The following CD2AP variants were observed in gnomAD, a reference collection of about 807,000 sequenced individuals.
The protein encoded by CD2AP is CD2-associated protein.
In CD2AP, 46 loss-of-function variants were observed where a neutral mutation model predicts 85.1. The ratio of observed to expected loss-of-function variants is 0.54; its 90% confidence interval spans 0.43 to 0.69. The LOEUF (loss-of-function observed/expected upper bound fraction) is 0.69. CD2AP is among the 30% of genes least tolerant of loss of function. CD2AP has a pLI of 0.00. For synonymous variants in CD2AP, 255 were observed against 252.9 expected, an observed-to-expected ratio of 1.01 and a Z score of -0.08; for missense variants, 769 against 729.5, an observed-to-expected ratio of 1.05 and a Z score of -0.62.
In CD2AP at chr6:47,597,180, G is replaced by A. The variant is rs187897754; in HGVS notation, c.1274+1154G>A. On this transcript the variant is annotated intron_variant, in intron 12 of 17. Coordinates refer to ENST00000359314, the MANE Select transcript of CD2AP (RefSeq NM_012120.3). ...TATAGTACAAATCCAGTCAGGGTTG[G>A]AACCATGGCAAACCAAGGGCTCTTA... is the stretch of plus-strand genomic sequence containing the variant. Among the ~76,000 whole-genome samples, 81 of 150,904 alleles carry A rather than the reference G, an allele frequency of 5.4e-4. 3 individuals are homozygous for A. The East Asian group carries it at 9.2e-3, about 17-fold the overall frequency.
intron 5 of CD2AP, among the ~76,000 whole-genome samples, 153 bp downstream of exon 5, chr6:47,554,919 C>G: frequency 6.6e-6 from 1 of 151,994 alleles, no homozygotes; most frequent in East Asian, 1.9e-4. Context: ...TGATGGGGAC[C>G]TAACTGAATT....
At chr6:47,544,817 T>A (rs770584350) in intron 4 of CD2AP, 111 bp downstream of exon 4, 8 of 702,738 alleles carry the variant, frequency 1.1e-5, no homozygotes, top group African/African-American at 9.0e-5. Context: ...TGTCACTTTT[T>A]AAAAAAAATG....
chr6:47,617,454 C>T (rs1050050478), intron 17 of CD2AP, among the ~76,000 whole-genome samples: 3 of 152,098 alleles, frequency 2.0e-5, no homozygotes, highest in Non-Finnish European at 2.9e-5. Flanking sequence ...ATTAGTCCCC[C>T]TTGGATGTTT....
In CD2AP at chr6:47,599,367, A is replaced by G; in HGVS notation, c.1341A>G (p.Leu447=). Residue 447 remains leucine, a synonymous_variant, in exon 13 of 18, where the codon CTA becomes CTG. Coordinates refer to ENST00000359314, the MANE Select transcript of CD2AP (RefSeq NM_012120.3). Reference sequence around the variant, plus strand: ...CTGAGCCAGTATCAAAACTAAAGCTAGATTCTGAACAGCTGCCCCTTAGAC... The same window carrying G: ...CTGAGCCAGTATCAAAACTAAAGCTGGATTCTGAACAGCTGCCCCTTAGAC... ...FETEPVSKLK[L]DSEQLPLRPK... is the part of the protein sequence containing the mutation. The G allele has an allele frequency of 6.2e-7, 1 of 1,611,604 alleles. No homozygotes were observed. The highest frequency in any genetic ancestry group is 8.5e-7 in the Non-Finnish European group (1 of 1,178,214).
intron 17 of CD2AP, among the ~76,000 whole-genome samples, chr6:47,620,325 ATG>A (rs1394067321): frequency 5.9e-5 from 9 of 151,436 alleles, no homozygotes; most frequent in Non-Finnish European, 1.2e-4. Flanking sequence ...GGTGTCCTTT[ATG>A]TTTTTGTTTG....
rs12055652 is a variant in CD2AP at position 47,620,774 on chromosome 6, G to A, written c.1879-3412G>A. On this transcript the variant is annotated intron_variant, in intron 17 of 17. Coordinates refer to ENST00000359314, the MANE Select transcript of CD2AP (RefSeq NM_012120.3). Reference sequence around the variant, plus strand: ...AGGTCTTCTGACTCCTTGGTTAGGTGTATTCCTAAGTATTTTATTTTATTT... The same window carrying A: ...AGGTCTTCTGACTCCTTGGTTAGGTATATTCCTAAGTATTTTATTTTATTT... 2.0e-5 allele frequency among the ~76,000 whole-genome samples: 3 copies of A among 152,234 alleles called. No homozygotes were observed. In the East Asian group the frequency reaches 5.8e-4, roughly 29 times the overall value.
chr6:47,571,131 G>A (rs1768140363), intron 5 of CD2AP, among the ~76,000 whole-genome samples: 1 of 151,756 alleles, frequency 6.6e-6, no homozygotes, highest in African/African-American at 2.4e-5. Context: ...TTAATACCAT[G>A]GATAGTTTCA....
intron 16 of CD2AP, chr6:47,609,527 A>AAAAAAAAAG (rs1554183679): frequency 8.2e-6 from 3 of 366,196 alleles, no homozygotes; most frequent in Non-Finnish European, 1.5e-5. Context: ...AAAAAAAAAA[A>AAAAAAAAAG]AAAAGAAAAG....
intron 16 of CD2AP, among the ~76,000 whole-genome samples, chr6:47,612,191 GA>G (rs1407454830): frequency 6.6e-6 from 1 of 152,026 alleles, no homozygotes; most frequent in East Asian, 1.9e-4. Context: ...GCCGAATATA[GA>G]AAATTTCTTC....
At chr6:47,562,556 G>T in intron 5 of CD2AP, 1 of 318,462 alleles carries the variant, frequency 3.1e-6, no homozygotes, top group Non-Finnish European at 5.8e-6. Context: ...CCACCAACAA[G>T]TCTTGCATAA....
At chr6:47,566,645 G>A (rs1020708029) in intron 5 of CD2AP, among the ~76,000 whole-genome samples, 1 of 152,034 alleles carries the variant, frequency 6.6e-6, no homozygotes, top group African/African-American at 2.4e-5. Flanking sequence ...AGGTCCTGGT[G>A]TGTGTTTCCC....
chr6:47,514,738 G>A (rs552900273), intron 2 of CD2AP, among the ~76,000 whole-genome samples: 77 of 152,246 alleles, frequency 5.1e-4, no homozygotes, highest in African/African-American at 1.7e-3. Flanking sequence ...TTGAAAAAAT[G>A]TCTTTCAGAA....
At position 47,478,236 on chromosome 6, in the gene CD2AP, GC is replaced by G; in HGVS notation, c.-4del. Reference sequence around the variant, plus strand: ...CGGACGTCGGCTTCTCCCCGCGGGAGCCCCCAGCATGGGTAAGAGACTCGGG... The same window carrying G: ...CGGACGTCGGCTTCTCCCCGCGGGAGCCCCAGCATGGGTAAGAGACTCGGG... On this transcript the variant is annotated 5_prime_UTR_variant, in exon 1 of 18. Coordinates refer to ENST00000359314, the MANE Select transcript of CD2AP (RefSeq NM_012120.3). 6.4e-7 allele frequency: 1 copy of G among 1,571,296 alleles called. No homozygotes were observed. The highest frequency in any genetic ancestry group is 1.3e-5 in the African/African-American group (1 of 74,100).
At chr6:47,493,091 A>G (rs1402023991) in intron 1 of CD2AP, among the ~76,000 whole-genome samples, 1 of 152,164 alleles carries the variant, frequency 6.6e-6, no homozygotes, top group Non-Finnish European at 1.5e-5. Flanking sequence ...TGTTACTATT[A>G]TGACTTTTAA....
intron 11 of CD2AP, 77 bp downstream of exon 11, chr6:47,582,142 T>G: frequency 1.1e-6 from 1 of 950,116 alleles, no homozygotes; most frequent in South Asian, 1.3e-5. Context: ...TTCTCCACAC[T>G]GAGTTATTTA....
Position 47,540,582 on chromosome 6 carries a change from A to G in CD2AP, c.320-4024A>G, listed in dbSNP as rs957243536. 3.3e-5 allele frequency among the ~76,000 whole-genome samples: 5 copies of G among 151,974 alleles called. 1 individual carries two copies. Among genetic ancestry groups the G allele is most frequent in the Admixed American group, 6.5e-5 (1 of 15,268 alleles). On this transcript the variant is annotated intron_variant, in intron 3 of 17. Coordinates refer to ENST00000359314, the MANE Select transcript of CD2AP (RefSeq NM_012120.3). The stretch of plus-strand genomic sequence containing the variant: ...AAATCTTTTTTTTTCATTTTTTGCA[A>G]ATGATTCTGTTAATACAAACTACTT...
chr6:47,529,594 A>G (rs1193310289), intron 2 of CD2AP, among the ~76,000 whole-genome samples: 1 of 152,180 alleles, frequency 6.6e-6, no homozygotes, highest in Non-Finnish European at 1.5e-5. Flanking sequence ...TACTAAATGT[A>G]TGTATAGCTC....
intron 13 of CD2AP, among the ~76,000 whole-genome samples, chr6:47,602,908 A>G (rs1769179053): frequency 6.6e-6 from 1 of 152,008 alleles, no homozygotes; most frequent in Admixed American, 6.6e-5. Context: ...TCAAAAATAA[A>G]CAAAAAAAAA....
intron 11 of CD2AP, among the ~76,000 whole-genome samples, chr6:47,595,018 T>G (rs1768900295): frequency 6.6e-6 from 1 of 152,006 alleles, no homozygotes; most frequent in African/African-American, 2.4e-5. Context: ...GAGCTTCTTA[T>G]TTTTGTATAT....
Sources: gnomAD v4.1 joint callset for allele counts (sites outside exome capture counted in the v4.1 genomes callset) on GRCh38, gnomAD v4.1.1 for gene constraint, MANE v1.5 for transcripts, NCBI Gene and HGNC (gene_info 2026-07-23, HGNC 2026-07-21) for gene names.